The following TSPAN4 variants were observed in gnomAD, a reference collection of about 807,000 sequenced individuals.
The protein encoded by TSPAN4 is tetraspanin-4.
A neutral mutation model predicts 31.5 loss-of-function variants in TSPAN4; 38 were observed. That is an observed-to-expected ratio of 1.21 (90% confidence interval 0.93 to 1.58). The LOEUF (loss-of-function observed/expected upper bound fraction) is 1.58, where lower values mean the gene tolerates loss of function less well. TSPAN4 is among the 40% of genes most tolerant of loss of function. The probability of loss-of-function intolerance (pLI) is 0.00; values close to 1 mark genes in which losing one functional copy is unlikely to be tolerated. For missense variants in TSPAN4, 330 were observed against 317.3 expected (o/e 1.04, Z -0.30); for synonymous variants, 186 against 144.6 (o/e 1.29, Z -2.06).
At position 862,593 on chromosome 11, in the gene TSPAN4, C is replaced by T. The variant is rs1461120120; in HGVS notation, c.107C>T (p.Ala36Val). ...GVLGVGIWLAATQGSFATLSS... is the reference protein window; with the variant it reads ...GVLGVGIWLAVTQGSFATLSS... ...CTGGGTGTCGGCATCTGGCTGGCCG[C>T]CACACAGGGGAGCTTCGCCACGCTG... Residue 36 changes from alanine (A) to valine (V), a missense_variant, in exon 4 of 9, where the codon GCC becomes GTC. Physicochemically the swap from Ala to Val is moderately conservative, Grantham distance 64. Coordinates refer to ENST00000397397, the MANE Select transcript of TSPAN4 (RefSeq NM_003271.5). 1 of 1,612,368 alleles carries T rather than the reference C, an allele frequency of 6.2e-7. No homozygotes were observed. The highest frequency in any genetic ancestry group is 1.7e-5 in the Admixed American group (1 of 59,938).
intron 3 of TSPAN4, among the ~76,000 whole-genome samples, chr11:855,871 G>GC (rs1277380374): frequency 3.3e-5 from 5 of 152,296 alleles, no homozygotes; most frequent in East Asian, 3.9e-4. Flanking sequence ...CAGGGACCCA[G>GC]CCCCCCATCC....
intron 8 of TSPAN4, among the ~76,000 whole-genome samples, 192 bp from the exon 9 acceptor site, chr11:866,370 G>A (rs1303557290): frequency 1.3e-5 from 2 of 152,168 alleles, no homozygotes; most frequent in Non-Finnish European, 2.9e-5. Flanking sequence ...CTCAGGGGAG[G>A]GTGCTGTGGC....
At chr11:864,377 G>A in intron 4 of TSPAN4, 60 bp from the exon 5 acceptor site, 1 of 1,589,882 alleles carries the variant, frequency 6.3e-7, no homozygotes, top group East Asian at 2.2e-5. Flanking sequence ...CCCCTGGCAT[G>A]CTGTGGGGCG....
In TSPAN4 at chr11:862,491, G is replaced by T. The variant is rs181758661; in HGVS notation, c.64-59G>T. 27 of 1,477,982 alleles carry T rather than the reference G, an allele frequency of 1.8e-5. No individual in the cohort carries two copies. In the African/African-American group the frequency reaches 2.8e-4, roughly 15 times the overall value. 91.6% of individuals were successfully genotyped at this position (1,477,982 alleles called of 1,614,324 possible). A position where few individuals can be genotyped will look rare whatever the true frequency, so the allele number is the denominator to read the frequency against. On this transcript the variant is annotated intron_variant, in intron 3 of 8. Coordinates refer to ENST00000397397, the MANE Select transcript of TSPAN4 (RefSeq NM_003271.5). ...CTTGTGGGCCGGGCTCTGCCCTGGG[G>T]TCCAGAGCTTGCATTGGGGCCTCAC...
chr11:851,860 C>T (rs1157777978), intron 3 of TSPAN4, among the ~76,000 whole-genome samples: 1 of 152,066 alleles, frequency 6.6e-6, no homozygotes, highest in African/African-American at 2.4e-5. Flanking sequence ...GCCCTCTCTC[C>T]TCTCCACCCT....
In TSPAN4 at chr11:864,378, C is replaced by T; in HGVS notation, c.256-59C>T. ...GTACGTGGCCCTGGCCCCTGGCATG[C>T]TGTGGGGCGGAGGCTGTGCGGCCTT... is the stretch of plus-strand genomic sequence containing the variant. On this transcript the variant is annotated intron_variant, in intron 4 of 8. Coordinates refer to ENST00000397397, the MANE Select transcript of TSPAN4 (RefSeq NM_003271.5). 1.9e-6 allele frequency: 3 copies of T among 1,589,482 alleles called. No homozygotes were observed. In the South Asian group the frequency reaches 3.3e-5, roughly 18 times the overall value.
chr11:861,636 C>T (rs530031505), intron 3 of TSPAN4, among the ~76,000 whole-genome samples: 7 of 151,692 alleles, frequency 4.6e-5, no homozygotes, highest in African/African-American at 7.3e-5. Context: ...GGCGTGAACC[C>T]GGGAGGCGGA....
chr11:850,701 C>T (rs1290035838), intron 3 of TSPAN4, among the ~76,000 whole-genome samples: 2 of 152,240 alleles, frequency 1.3e-5, no homozygotes, highest in African/African-American at 2.4e-5. Context: ...CTGCGCCTCT[C>T]CTAGGGTCGG....
Position 865,910 on chromosome 11 carries a change from C to A in TSPAN4, c.565-8C>A. The A allele has an allele frequency of 6.2e-7, 1 of 1,613,134 alleles. No individual in the cohort carries two copies. On this transcript the variant is annotated splice_region_variant and splice_polypyrimidine_tract_variant and intron_variant, in intron 7 of 8. Transcript: ENST00000397397. ...CTGCCGTGACACGCATGACATCCCT[C>A]CCTGCAGCCGTGCTACGAGACGGTG...
chr11:843,466 A>C (rs1847092604), intron 1 of TSPAN4: 3 of 152,072 alleles, frequency 2.0e-5, no homozygotes, highest in Non-Finnish European at 2.9e-5. Flanking sequence ...GTGCTTTTTG[A>C]GCTGAACCTG....
At chr11:859,000 A>T (rs1241312919) in intron 3 of TSPAN4, among the ~76,000 whole-genome samples, 2 of 84,020 alleles carry the variant, frequency 2.4e-5, no homozygotes, top group Non-Finnish European at 4.5e-5. Context: ...CCCCTGGGTC[A>T]CACGCATCCC....
chr11:865,485 G>T, intron 5 of TSPAN4, 28 bp from the exon 6 acceptor site: 1 of 1,579,568 alleles, frequency 6.3e-7, no homozygotes, highest in South Asian at 1.1e-5. Flanking sequence ...AGTGGGAGGG[G>T]CCCTGCTGAC....
At chr11:844,221 G>C (rs904966209) in intron 1 of TSPAN4, 1 of 152,248 alleles carries the variant, frequency 6.6e-6, no homozygotes, top group African/African-American at 2.4e-5. Flanking sequence ...ATGTTAGCAG[G>C]GTGGGCCCTG....
chr11:862,378 C>G, intron 3 of TSPAN4, 172 bp from the exon 4 acceptor site: 1 of 595,592 alleles, frequency 1.7e-6, no homozygotes, highest in East Asian at 3.0e-5. Context: ...AAAGACTGGC[C>G]TGCCCTGGAC....
At chr11:844,416 A>G (rs1847176175) in intron 1 of TSPAN4, 1 of 152,166 alleles carries the variant, frequency 6.6e-6, no homozygotes, top group Non-Finnish European at 1.5e-5. Context: ...CTATCCCTCC[A>G]TTTCCCAGCA....
In TSPAN4 at chr11:866,659, A is replaced by G. The variant is rs199988033; in HGVS notation, c.*29A>G. 3.1e-4 allele frequency: 501 copies of G among 1,602,866 alleles called. No homozygotes were observed. The highest frequency in any genetic ancestry group is 4.1e-4 in the Non-Finnish European group (485 of 1,174,932). ...GCCCACCGCCCGCTTCTCTGCCAAAAGGACGCCCACGGGGAGATGGCCGCA... is the reference window on the plus strand; with the variant it reads ...GCCCACCGCCCGCTTCTCTGCCAAAGGGACGCCCACGGGGAGATGGCCGCA... On this transcript the variant is annotated 3_prime_UTR_variant, in exon 9 of 9. Coordinates refer to ENST00000397397, the MANE Select transcript of TSPAN4 (RefSeq NM_003271.5).
At position 864,521 on chromosome 11, in the gene TSPAN4, C is replaced by T; in HGVS notation, c.330+10C>T. On this transcript the variant is annotated intron_variant, in intron 5 of 8. Coordinates refer to ENST00000397397, the MANE Select transcript of TSPAN4 (RefSeq NM_003271.5). ...CGCCTACACGGACAAGGTACGGCTGCCTTGGCCGCAGGCCCAACTGCAGGG... is the reference window on the plus strand; with the variant it reads ...CGCCTACACGGACAAGGTACGGCTGTCTTGGCCGCAGGCCCAACTGCAGGG... 1 of 1,611,392 alleles carries T rather than the reference C, an allele frequency of 6.2e-7. No individual in the cohort carries two copies. The highest frequency in any genetic ancestry group is 8.5e-7 in the Non-Finnish European group (1 of 1,179,856).
At chr11:849,082 T>C in intron 2 of TSPAN4, 1 of 570,186 alleles carries the variant, frequency 1.8e-6, no homozygotes, top group South Asian at 2.1e-5. Context: ...CCAGCTGGGG[T>C]GGGTGCGCGC....
At chr11:862,852 T>C (rs1471966669) in intron 4 of TSPAN4, 111 bp downstream of exon 4, 4 of 1,200,056 alleles carry the variant, frequency 3.3e-6, no homozygotes, top group African/African-American at 1.6e-5. Context: ...GCACCACCTC[T>C]GGGGCCGGAC....
Sources: gnomAD v4.1 joint callset for allele counts (sites outside exome capture counted in the v4.1 genomes callset) on GRCh38, gnomAD v4.1.1 for gene constraint, MANE v1.5 for transcripts, NCBI Gene and HGNC (gene_info 2026-07-23, HGNC 2026-07-21) for gene names.